CACNA2D3: variants seen among roughly 807,000 people sequenced by gnomAD.
CACNA2D3 encodes voltage-dependent calcium channel subunit alpha-2/delta-3.
CACNA2D3 carries 60 observed loss-of-function variants against 160.6 expected under a neutral mutation model. The observed-to-expected ratio is 0.37, with a 90% CI of 0.30 to 0.46. The LOEUF (loss-of-function observed/expected upper bound fraction) is 0.46. Ranked by LOEUF, CACNA2D3 falls within the 20% of genes least tolerant of loss-of-function variation. CACNA2D3 has a pLI of 1.00. For missense variants in CACNA2D3, 1,205 were observed against 1,365.0 expected, an observed-to-expected ratio of 0.88 and a Z score of 1.85; for synonymous variants, 558 against 492.9, an observed-to-expected ratio of 1.13 and a Z score of -1.75.
intron 35 of CACNA2D3, among the ~76,000 whole-genome samples, chr3:55,028,893 A>G (rs1287375360): frequency 6.6e-6 from 1 of 152,194 alleles, no homozygotes; most frequent in African/African-American, 2.4e-5. Flanking sequence ...CTGTGGCTAC[A>G]GTTTTCTTCT....
chr3:54,151,785 C>T (rs1256105418), intron 2 of CACNA2D3, among the ~76,000 whole-genome samples: 1 of 152,188 alleles, frequency 6.6e-6, no homozygotes, highest in African/African-American at 2.4e-5. Context: ...GTGTCATACA[C>T]AAAGCTACCT....
intron 13 of CACNA2D3, among the ~76,000 whole-genome samples, chr3:54,809,713 C>T (rs574861196): frequency 1.1e-4 from 16 of 151,416 alleles, no homozygotes; most frequent in Non-Finnish European, 1.6e-4. Flanking sequence ...TTCCTCCTTC[C>T]TCTCTCCCCC....
chr3:54,943,854 T>C (rs1701541795), intron 27 of CACNA2D3, among the ~76,000 whole-genome samples: 1 of 152,162 alleles, frequency 6.6e-6, no homozygotes, highest in South Asian at 2.1e-4. Context: ...TCTCCCCCTT[T>C]CTCCTAAACC....
chr3:54,808,956 A>T (rs1340817543), intron 13 of CACNA2D3, among the ~76,000 whole-genome samples: 1 of 152,116 alleles, frequency 6.6e-6, no homozygotes, highest in Non-Finnish European at 1.5e-5. Context: ...AAAACAGCAA[A>T]CTGTTATGGG....
intron 2 of CACNA2D3, among the ~76,000 whole-genome samples, chr3:54,186,830 G>A (rs1007309382): frequency 5.3e-5 from 8 of 152,052 alleles, no homozygotes; most frequent in African/African-American, 1.4e-4. Context: ...GCTCACCAAC[G>A]GCAGGCCTCT....
intron 6 of CACNA2D3, among the ~76,000 whole-genome samples, chr3:54,568,460 T>G (rs892874299): frequency 2.0e-5 from 3 of 152,198 alleles, no homozygotes; most frequent in African/African-American, 7.2e-5. Flanking sequence ...AAAATTATCT[T>G]TATATCACAC....
intron 4 of CACNA2D3, among the ~76,000 whole-genome samples, chr3:54,458,769 T>A (rs1700444650): frequency 1.5e-5 from 2 of 131,724 alleles, no homozygotes; most frequent in South Asian, 2.5e-4. Context: ...TCTTTTTTTA[T>A]TTTATTTTAT....
At chr3:54,558,958 G>T (rs1258895355) in intron 5 of CACNA2D3, among the ~76,000 whole-genome samples, 1 of 152,076 alleles carries the variant, frequency 6.6e-6, no homozygotes, top group Non-Finnish European at 1.5e-5. Context: ...TGCCTTGGAG[G>T]TCTGCTGAGG....
intron 4 of CACNA2D3, among the ~76,000 whole-genome samples, chr3:54,403,962 T>C (rs1699524341): frequency 1.3e-5 from 2 of 152,256 alleles, no homozygotes; most frequent in South Asian, 2.1e-4. Context: ...AAAGCCCGCA[T>C]AGAGCAATAA....
chr3:55,018,166 C>T (rs759574962), intron 34 of CACNA2D3, 40 bp from the exon 35 acceptor site: 50 of 1,333,280 alleles, frequency 3.8e-5, no homozygotes, highest in Non-Finnish European at 4.7e-5. Context: ...GAGCCTGTGC[C>T]TTGCATTCTT....
At chr3:54,888,596 T>C (rs1699983028) in intron 24 of CACNA2D3, among the ~76,000 whole-genome samples, 1 of 152,192 alleles carries the variant, frequency 6.6e-6, no homozygotes, top group South Asian at 2.1e-4. Context: ...AGTAGACTAT[T>C]AAAGATTAAA....
intron 2 of CACNA2D3, among the ~76,000 whole-genome samples, chr3:54,258,776 A>C (rs1441612496): frequency 6.6e-6 from 1 of 152,170 alleles, no homozygotes; most frequent in Non-Finnish European, 1.5e-5. Flanking sequence ...GTATTGATTG[A>C]ACACTTTCAT....
intron 31 of CACNA2D3, among the ~76,000 whole-genome samples, chr3:54,999,790 GT>G (rs1393815406): frequency 2.0e-5 from 3 of 152,154 alleles, no homozygotes; most frequent in African/African-American, 7.2e-5. Context: ...ATTTTTCTTG[GT>G]CAGGATTTTT....
At position 54,549,322 on chromosome 3, in the gene CACNA2D3, T is replaced by C. The variant is rs530244812; in HGVS notation, c.545-13478T>C. On this transcript the variant is annotated intron_variant, in intron 5 of 37. Coordinates refer to ENST00000474759, the MANE Select transcript of CACNA2D3 (RefSeq NM_018398.3). ...TTAGCCGAATGTGGTGGCAGACGCC[T>C]GTAGTCCCAGCTACTCTGGAGGCTG... is the stretch of plus-strand genomic sequence containing the variant. Among the ~76,000 whole-genome samples, 10 of 152,286 alleles carry C rather than the reference T, an allele frequency of 6.6e-5. No homozygotes were observed. In the South Asian group the frequency reaches 2.1e-3, roughly 32 times the overall value.
At chr3:54,138,164 G>A (rs568738920) in intron 2 of CACNA2D3, among the ~76,000 whole-genome samples, 20 of 152,346 alleles carry the variant, frequency 1.3e-4, no homozygotes, top group African/African-American at 4.1e-4. Context: ...TGGTGGCCTC[G>A]ATTTGTGAAT....
At chr3:54,969,261 A>ATTTTTTT (rs139722160) in intron 28 of CACNA2D3, among the ~76,000 whole-genome samples, 1,365 of 127,558 alleles carry the variant, frequency 0.011, 42 homozygotes, top group African/African-American at 0.023. Context: ...CATAAAGTAG[A>ATTTTTTT]CTTTTTTTTT....
chr3:54,742,814 G>T (rs2107046776), intron 11 of CACNA2D3, among the ~76,000 whole-genome samples: 1 of 152,244 alleles, frequency 6.6e-6, no homozygotes, highest in Non-Finnish European at 1.5e-5. Flanking sequence ...TTATAATACT[G>T]ATCTTCCATC....
At chr3:54,232,921 G>A (rs1484298495) in intron 2 of CACNA2D3, among the ~76,000 whole-genome samples, 1 of 152,210 alleles carries the variant, frequency 6.6e-6, no homozygotes, top group Admixed American at 6.5e-5. Context: ...ATGCTGTACT[G>A]TCATGATTAG....
intron 2 of CACNA2D3, among the ~76,000 whole-genome samples, chr3:54,284,307 ATT>A (rs1702956422): frequency 1.3e-5 from 2 of 151,448 alleles, no homozygotes; most frequent in Non-Finnish European, 2.9e-5. Flanking sequence ...AATTAAAAAA[ATT>A]AAATAAAATG....
Sources: gnomAD v4.1 joint callset for allele counts (sites outside exome capture counted in the v4.1 genomes callset) on GRCh38, gnomAD v4.1.1 for gene constraint, MANE v1.5 for transcripts, NCBI Gene and HGNC (gene_info 2026-07-23, HGNC 2026-07-21) for gene names.